FRK: variants seen among roughly 807,000 people sequenced by gnomAD.
The protein encoded by FRK is tyrosine-protein kinase FRK.
Under a neutral mutation model 56.4 loss-of-function variants are expected in FRK, and 51 were observed. The ratio of observed to expected loss-of-function variants is 0.90; its 90% CI spans 0.72 to 1.14. The LOEUF (loss-of-function observed/expected upper bound fraction) is 1.14, where lower values mean the gene tolerates loss of function less well. Ranked by LOEUF, FRK falls within the 50% of genes most tolerant of loss-of-function variation. The pLI is 0.00. For missense variants in FRK, 570 were observed against 601.4 expected (o/e 0.95, Z 0.55); for synonymous variants, 245 against 217.9 (o/e 1.12, Z -1.10).
rs1473269764 is a variant in FRK, at chr6:115,942,536, T to C, written c.1396A>G (p.Met466Val). The change falls in exon 8 of 8, where the codon ATG (methionine) becomes GTG (valine). Residue 466 changes from methionine (M) to valine (V), a missense_variant. By Grantham distance (21) the Met-to-Val change is conservative. Coordinates refer to ENST00000606080, the MANE Select transcript of FRK (RefSeq NM_002031.3). ...SNCPQQFYNI[M>V]LECWNAEPKE... ...GGCTCTGCATTCCAGCACTCCAACA[T>C]GATGTTGTAAAATTGCTGTGGACAG... 6.2e-7 allele frequency: 1 copy of C among 1,613,810 alleles called. No individual in the cohort carries two copies. Among genetic ancestry groups the C allele is most frequent in the East Asian group, 2.2e-5 (1 of 44,878 alleles).
intron 5 of FRK, among the ~76,000 whole-genome samples, chr6:115,952,395 T>C (rs1372802458): frequency 2.6e-5 from 4 of 151,978 alleles, no homozygotes; most frequent in Non-Finnish European, 5.9e-5. Context: ...CCAGTTAGAA[T>C]GGCAATCATT....
At position 116,059,970 on chromosome 6, in the gene FRK, C is replaced by A. The variant is rs1238898426; in HGVS notation, c.342G>T (p.Glu114Asp). 6.2e-7 allele frequency: 1 copy of A among 1,613,014 alleles called. No homozygotes were observed. Among genetic ancestry groups the A allele is most frequent in the African/African-American group, 1.3e-5 (1 of 75,022 alleles). The change falls in exon 1 of 8, where the codon GAG becomes GAT. Residue 114 changes from glutamate to aspartate, a missense_variant and splice_region_variant. Glu to Asp is a conservative substitution (Grantham distance 45, BLOSUM62 2). Coordinates refer to ENST00000606080, the MANE Select transcript of FRK (RefSeq NM_002031.3). ...YVAEDRSLQAEPWFFGAIGRS... is the reference protein window; with the variant it reads ...YVAEDRSLQADPWFFGAIGRS... ...AAGTATAAGTTTGTACTACTCACGGCTCTGCCTGTAGGCTTCTGTCCTCAG... is the reference window on the plus strand; with the variant it reads ...AAGTATAAGTTTGTACTACTCACGGATCTGCCTGTAGGCTTCTGTCCTCAG...
At chr6:116,087,326 TAGA>T in the FRK span, among the ~76,000 whole-genome samples, 1 of 152,164 alleles carries the variant, frequency 6.6e-6, no homozygotes, top group Non-Finnish European at 1.5e-5. Context: ...AAGAAAAAAA[TAGA>T]AGTTTATTCA....
rs1377096108 is a variant in FRK, at chr6:115,940,493, C to T, written c.*1921G>A. ...AATTGAGAAATGGGATCTAATTAAA[C>T]TAAAGAGCTTCTAGACAGCAAAAGA... is the stretch of plus-strand genomic sequence containing the variant. On this transcript the variant is annotated 3_prime_UTR_variant, in exon 8 of 8. Coordinates refer to ENST00000606080, the MANE Select transcript of FRK (RefSeq NM_002031.3). 6.6e-6 allele frequency: 1 copy of T among 152,124 alleles called. No homozygotes were observed. Among genetic ancestry groups the T allele is most frequent in the Non-Finnish European group, 1.5e-5 (1 of 68,022 alleles). The allele number at this position is 152,124 out of a possible 1,614,324, so 9.4% of individuals were successfully genotyped here. A position where few individuals can be genotyped will look rare whatever the true frequency, so the allele number is the denominator to read the frequency against.
intron 1 of FRK, among the ~76,000 whole-genome samples, chr6:116,018,874 T>C (rs1018208754): frequency 1.3e-5 from 2 of 152,116 alleles, no homozygotes; most frequent in Admixed American, 6.5e-5. Flanking sequence ...TAAAATCTTA[T>C]AGATTTGAAG....
chr6:115,956,081 C>T (rs1346484400), intron 5 of FRK, among the ~76,000 whole-genome samples: 5 of 152,144 alleles, frequency 3.3e-5, no homozygotes, highest in African/African-American at 1.2e-4. Context: ...TATTCCATGT[C>T]CCCGAATTCT....
chr6:116,032,555 T>C (rs1370529267), intron 1 of FRK, among the ~76,000 whole-genome samples: 1 of 152,192 alleles, frequency 6.6e-6, no homozygotes, highest in East Asian at 1.9e-4. Flanking sequence ...GGTGTATTGA[T>C]GAATGTGCAT....
chr6:115,958,214 T>C (rs1171201058), intron 4 of FRK, among the ~76,000 whole-genome samples: 1 of 152,214 alleles, frequency 6.6e-6, no homozygotes, highest in Non-Finnish European at 1.5e-5. Context: ...TAAGGGACTT[T>C]GTTCTTAATT....
chr6:116,028,559 G>T (rs1776185359), intron 1 of FRK, among the ~76,000 whole-genome samples: 1 of 152,046 alleles, frequency 6.6e-6, no homozygotes, highest in Non-Finnish European at 1.5e-5. Flanking sequence ...CTGTTCCATG[G>T]CTCTCTCCTA....
chr6:116,058,592 C>G (rs1404799732), intron 1 of FRK, among the ~76,000 whole-genome samples: 1 of 152,038 alleles, frequency 6.6e-6, no homozygotes, highest in Non-Finnish European at 1.5e-5. Context: ...CAATGGTTTC[C>G]CTATTAAGAA....
intron 1 of FRK, chr6:116,039,256 G>T: frequency 6.7e-7 from 1 of 1,492,218 alleles, no homozygotes; most frequent in Non-Finnish European, 9.3e-7. Flanking sequence ...GCCTGTGTGG[G>T]CCATTGGTAC....
At chr6:115,983,774 G>A (rs1774293538) in intron 2 of FRK, among the ~76,000 whole-genome samples, 1 of 152,086 alleles carries the variant, frequency 6.6e-6, no homozygotes, top group African/African-American at 2.4e-5. Context: ...GTAGCTCATA[G>A]TCTGTTTTCC....
the FRK span, among the ~76,000 whole-genome samples, chr6:116,081,898 C>G: frequency 2.1e-4 from 32 of 152,014 alleles, 1 homozygote; most frequent in Non-Finnish European, 4.3e-4. Context: ...TGGAGATTTA[C>G]ATTATAGTGG....
chr6:116,042,321 C>T (rs1346959582), intron 1 of FRK, among the ~76,000 whole-genome samples: 1 of 152,136 alleles, frequency 6.6e-6, no homozygotes, highest in Admixed American at 6.5e-5. Context: ...ATGGGCACAG[C>T]TTCAGCAGAC....
chr6:116,052,233 G>A (rs1171658344), intron 1 of FRK, among the ~76,000 whole-genome samples: 2 of 152,078 alleles, frequency 1.3e-5, no homozygotes, highest in African/African-American at 4.8e-5. Flanking sequence ...GAGAACCTGG[G>A]AATTATGCTT....
At position 115,941,833 on chromosome 6, in the gene FRK, A is replaced by T. The variant is rs923149009; in HGVS notation, c.*581T>A. 1.3e-5 allele frequency: 2 copies of T among 152,636 alleles called. No individual in the cohort carries two copies. Among genetic ancestry groups the T allele is most frequent in the African/African-American group, 4.8e-5 (2 of 41,440 alleles). 9.5% of individuals were successfully genotyped at this position (152,636 alleles called of 1,614,324 possible). ...ACTTCGTTTTCTCAACAGCTGCATC[A>T]TTTTTTTATGCATAGAAAAAAATGT... On this transcript the variant is annotated 3_prime_UTR_variant, in exon 8 of 8. Coordinates refer to ENST00000606080, the MANE Select transcript of FRK (RefSeq NM_002031.3).
chr6:115,996,203 T>C (rs547798070), intron 2 of FRK, among the ~76,000 whole-genome samples: 23 of 152,286 alleles, frequency 1.5e-4, no homozygotes, highest in South Asian at 8.3e-4. Flanking sequence ...CAATTGTCTT[T>C]ACATCTGTAG....
At chr6:115,943,217 A>G (rs753213606) in intron 6 of FRK, 32 bp from the exon 7 acceptor site, 1 of 1,514,836 alleles carries the variant, frequency 6.6e-7, no homozygotes, top group South Asian at 1.3e-5. Context: ...AGGCCGAGTT[A>G]AAGCAATTTT....
chr6:116,046,830 C>G (rs540142274), intron 1 of FRK, among the ~76,000 whole-genome samples: 1 of 151,890 alleles, frequency 6.6e-6, no homozygotes, highest in South Asian at 2.1e-4. Context: ...TGAGTACATT[C>G]TTTTTCTTTT....
Sources: allele counts gnomAD v4.1 joint callset (sites outside exome capture counted in the v4.1 genomes callset), GRCh38; gene constraint gnomAD v4.1.1; transcripts MANE v1.5; gene names NCBI Gene and HGNC (gene_info 2026-07-23, HGNC 2026-07-21).